Variants in EVC2 observed in about 807,000 individuals in gnomAD.
EVC2 encodes limbin.
EVC2 carries 148 observed loss-of-function variants against 149.3 expected under a neutral mutation model. The ratio of observed to expected loss-of-function variants is 0.99; its 90% CI spans 0.87 to 1.14. EVC2 has a LOEUF of 1.14. Ranked by LOEUF, EVC2 falls within the 50% of genes most tolerant of loss-of-function variation. EVC2 has a pLI of 0.00. For synonymous variants in EVC2, 776 were observed against 649.9 expected (o/e 1.19, Z -2.95); for missense variants, 1,854 against 1,627.3 (o/e 1.14, Z -2.40).
At chr4:5,708,938 T>G, upstream of EVC2, 1 of 158,052 alleles carries the variant, frequency 6.3e-6, no homozygotes, top group Non-Finnish European at 1.4e-5. Flanking sequence ...GAGAAGCATT[T>G]GGAGCGCGGG....
At chr4:5,529,255 C>T in the EVC2 span, among the ~76,000 whole-genome samples, 1 of 152,148 alleles carries the variant, frequency 6.6e-6, no homozygotes, top group Admixed American at 6.5e-5. The surrounding 1 kb of genome is among the most constrained non-coding windows in gnomAD (Gnocchi z 4.5). Context: ...CTACCCACCT[C>T]AGGTACATGG....
chr4:5,691,124 T>C, intron 4 of EVC2, 141 bp downstream of exon 4: 2 of 714,078 alleles, frequency 2.8e-6, no homozygotes, highest in South Asian at 1.7e-5. Flanking sequence ...CAGACCTTGC[T>C]ATTTGTTCAT....
At chr4:5,666,913 G>C (rs1719319263) in intron 7 of EVC2, among the ~76,000 whole-genome samples, 1 of 152,110 alleles carries the variant, frequency 6.6e-6, no homozygotes, top group Non-Finnish European at 1.5e-5. Flanking sequence ...TGATAGTATG[G>C]CTGGCTACAT....
chr4:5,562,993 T>A lies in EVC2; in HGVS notation c.3782A>T (p.Glu1261Val), dbSNP rs902225088. The A allele has an allele frequency of 1.2e-5, 19 of 1,614,110 alleles. 1 individual carries two copies. In the African/African-American group the frequency reaches 2.0e-4, roughly 17 times the overall value. The change falls in exon 22 of 22, where the codon GAA becomes GTA. Residue 1261 changes from glutamate to valine, a missense_variant. Coordinates refer to ENST00000344408, the MANE Select transcript of EVC2 (RefSeq NM_147127.5). The surrounding 1 kb of genome is among the most constrained non-coding windows in gnomAD (Gnocchi z 4.3). Reference protein sequence around the residue: ...ELAPVPIVGAETIDLLNTGEK... With the variant: ...ELAPVPIVGAVTIDLLNTGEK... Reference sequence around the variant, plus strand: ...TCCTGTGTTTAATAGATCAATGGTTTCTGCCCCTACAATGGGTACAGGGGC... The same window carrying A: ...TCCTGTGTTTAATAGATCAATGGTTACTGCCCCTACAATGGGTACAGGGGC...
At chr4:5,551,742 CCCA>C (rs1186877429) in intron 21 of EVC2, among the ~76,000 whole-genome samples, 2 of 152,128 alleles carry the variant, frequency 1.3e-5, no homozygotes, top group Non-Finnish European at 2.9e-5. Flanking sequence ...ATCTTGAATT[CCCA>C]CGTGTTGTGG....
At chr4:5,563,717 C>T (rs965389362) in intron 21 of EVC2, among the ~76,000 whole-genome samples, 1 of 152,076 alleles carries the variant, frequency 6.6e-6, no homozygotes, top group Non-Finnish European at 1.5e-5. Context: ...GGAATATTTA[C>T]ACCATGGAAA....
chr4:5,566,906 G>A (rs1239287344), intron 20 of EVC2, among the ~76,000 whole-genome samples: 3 of 152,148 alleles, frequency 2.0e-5, no homozygotes, highest in Non-Finnish European at 4.4e-5. Flanking sequence ...CTGCATGTCC[G>A]TGCACGCAGG....
the EVC2 span, among the ~76,000 whole-genome samples, chr4:5,530,208 G>A: frequency 3.9e-5 from 6 of 152,158 alleles, no homozygotes; most frequent in South Asian, 4.1e-4. Context: ...AGGGGCACTC[G>A]GATGGATGCC....
chr4:5,573,921 T>C (rs1029136244), intron 19 of EVC2, among the ~76,000 whole-genome samples: 2 of 152,208 alleles, frequency 1.3e-5, no homozygotes, highest in Non-Finnish European at 2.9e-5. Context: ...ATTTGCTTCC[T>C]TGATGAGAAA....
rs1289872483 is a variant in EVC2, at chr4:5,569,793, G to T, written c.3361-1153C>A. Among the ~76,000 whole-genome samples the T allele has an allele frequency of 6.6e-6, 1 of 151,972 alleles. No individual in the cohort carries two copies. Among genetic ancestry groups the T allele is most frequent in the Non-Finnish European group, 1.5e-5 (1 of 67,988 alleles). ...CCCCTTGGAAACATGGGGTCGCTGT[G>T]ACCTTGGTAAGTGCTTTCAGTGAAG... On this transcript the variant is annotated intron_variant, in intron 19 of 21. Transcript: ENST00000344408. This position sits in a 1 kb window ranked among gnomAD's most constrained non-coding sequence, Gnocchi z 4.8.
At chr4:5,543,763 G>C (rs147350262) in intron 21 of EVC2, among the ~76,000 whole-genome samples, 1 of 152,168 alleles carries the variant, frequency 6.6e-6, no homozygotes, top group Admixed American at 6.5e-5. Context: ...AATGGTACCT[G>C]CTTATTAATT....
chr4:5,709,338 C>T (rs1378398222), upstream of EVC2: 1 of 152,264 alleles, frequency 6.6e-6, no homozygotes, highest in African/African-American at 2.4e-5. Context: ...CTGCCTAGGT[C>T]CTGGGTGACA....
chr4:5,630,921 AG>A (rs1716485843), intron 11 of EVC2, among the ~76,000 whole-genome samples: 2 of 152,238 alleles, frequency 1.3e-5, no homozygotes, highest in Admixed American at 6.5e-5. Flanking sequence ...GCAAGCTATC[AG>A]CACCAGTGAC....
At chr4:5,705,828 G>C (rs930166551) in intron 1 of EVC2, among the ~76,000 whole-genome samples, 3 of 152,114 alleles carry the variant, frequency 2.0e-5, no homozygotes, top group African/African-American at 7.2e-5. Flanking sequence ...TAATGGTTCA[G>C]TGACGCCAGG....
chr4:5,709,072 C>T (rs1193320869), upstream of EVC2: 1 of 152,432 alleles, frequency 6.6e-6, no homozygotes, highest in Non-Finnish European at 1.5e-5. Context: ...CACCCACTGC[C>T]CGAGCCTGCT....
At position 5,622,401 on chromosome 4, in the gene EVC2, G is replaced by T; in HGVS notation, c.2501+136C>A. On this transcript the variant is annotated intron_variant, in intron 14 of 21. Transcript: ENST00000344408. The surrounding 1 kb of genome is among the most constrained non-coding windows in gnomAD (Gnocchi z 5.8). ...TCCCCCCGGGGCGTTGAGTTTATAT[G>T]ACTAATTAACGCTGGTAATCTCATC... The T allele has an allele frequency of 4.9e-6, 5 of 1,023,180 alleles. No homozygotes were observed. The highest frequency in any genetic ancestry group is 1.6e-5 in the African/African-American group (1 of 63,064). The allele number at this position is 1,023,180 out of a possible 1,614,324, so 63.4% of individuals were successfully genotyped here.
At chr4:5,581,586 T>A (rs191781839) in intron 17 of EVC2, among the ~76,000 whole-genome samples, 1 of 152,208 alleles carries the variant, frequency 6.6e-6, no homozygotes, top group Non-Finnish European at 1.5e-5. Context: ...GCATTCAAGA[T>A]GTAACCTGGC....
chr4:5,708,185 T>C, intron 1 of EVC2, 101 bp downstream of exon 1: 2 of 1,076,338 alleles, frequency 1.9e-6, no homozygotes, highest in South Asian at 4.0e-5. Flanking sequence ...CCTCCCTTCC[T>C]CATTCTTTGC....
intron 17 of EVC2, among the ~76,000 whole-genome samples, chr4:5,577,637 C>A (rs962417307): frequency 6.6e-6 from 1 of 152,132 alleles, no homozygotes; most frequent in Non-Finnish European, 1.5e-5. Flanking sequence ...AAACACTATT[C>A]AAGAACCATG....
Sources: allele counts gnomAD v4.1 joint callset (sites outside exome capture counted in the v4.1 genomes callset), GRCh38; gene constraint gnomAD v4.1.1; non-coding constraint Gnocchi (gnomAD v3.1); transcripts MANE v1.5; gene names NCBI Gene and HGNC (gene_info 2026-07-23, HGNC 2026-07-21).